The following PRKACB variants were observed in gnomAD, a reference collection of about 807,000 sequenced individuals.
PRKACB encodes the protein cAMP-dependent protein kinase catalytic subunit beta.
PRKACB carries 16 observed loss-of-function variants against 51.4 expected under a neutral mutation model. The observed-to-expected ratio is 0.31, with a 90% CI of 0.21 to 0.47. The LOEUF is 0.47. PRKACB is among the 20% of genes least tolerant of loss of function. PRKACB has a pLI of 1.00. For synonymous variants in PRKACB, 147 were observed against 154.4 expected, an observed-to-expected ratio of 0.95 and a Z score of 0.35; for missense variants, 309 against 464.5, an observed-to-expected ratio of 0.67 and a Z score of 3.08.
intron 1 of PRKACB, among the ~76,000 whole-genome samples, chr1:84,117,620 T>C (rs1557961140): frequency 6.6e-6 from 1 of 152,184 alleles, no homozygotes; most frequent in Non-Finnish European, 1.5e-5. Flanking sequence ...TGATGATCTT[T>C]TGTATTTTTG....
chr1:84,131,928 G>A (rs866688179), intron 1 of PRKACB, among the ~76,000 whole-genome samples: 27 of 152,292 alleles, frequency 1.8e-4, no homozygotes, highest in Middle Eastern at 3.4e-3. Flanking sequence ...TCCCCTCGTA[G>A]TTCTTGCAGA....
intron 8 of PRKACB, among the ~76,000 whole-genome samples, chr1:84,207,439 C>T (rs529124575): frequency 1.2e-4 from 19 of 152,146 alleles, no homozygotes; most frequent in Non-Finnish European, 2.1e-4. Context: ...GTGTGGAACT[C>T]GGCACCATAT....
chr1:84,112,864 G>A (rs762852988), intron 1 of PRKACB, among the ~76,000 whole-genome samples: 1 of 152,094 alleles, frequency 6.6e-6, no homozygotes, highest in Non-Finnish European at 1.5e-5. Flanking sequence ...ACCTAAGACC[G>A]AGTGACAGAG....
At chr1:84,098,664 G>A (rs1427182669) in intron 1 of PRKACB, among the ~76,000 whole-genome samples, 1 of 152,040 alleles carries the variant, frequency 6.6e-6, no homozygotes, top group Non-Finnish European at 1.5e-5. Flanking sequence ...TTCTGGTTAT[G>A]AACTTCAAAT....
At chr1:84,110,000 A>C (rs1436133698) in intron 1 of PRKACB, among the ~76,000 whole-genome samples, 1 of 151,836 alleles carries the variant, frequency 6.6e-6, no homozygotes, top group African/African-American at 2.4e-5. Flanking sequence ...TAAAAGGCCT[A>C]CTCATACTTT....
intron 1 of PRKACB, among the ~76,000 whole-genome samples, chr1:84,137,669 G>A (rs777020084): frequency 2.0e-5 from 3 of 152,220 alleles, no homozygotes; most frequent in Non-Finnish European, 2.9e-5. Flanking sequence ...CCGTAAGACT[G>A]GAGGCAAAAG....
At position 84,125,189 on chromosome 1, in the gene PRKACB, T is replaced by C. The variant is rs927044123; in HGVS notation, c.46+46818T>C. On this transcript the variant is annotated intron_variant, in intron 1 of 8. Transcript: ENST00000370688. Reference sequence around the variant, plus strand: ...TCTGGCAGAATCCAGTACCTTATGGTTATAGGACTAGGGTCTCTGTTTCTT... The same window carrying C: ...TCTGGCAGAATCCAGTACCTTATGGCTATAGGACTAGGGTCTCTGTTTCTT... 3.9e-5 allele frequency among the ~76,000 whole-genome samples: 6 copies of C among 152,276 alleles called. 1 individual carries two copies. The highest frequency in any genetic ancestry group is 4.1e-4 in the South Asian group (2 of 4,824).
chr1:84,153,596 A>G (rs1372664738), intron 1 of PRKACB, among the ~76,000 whole-genome samples: 2 of 152,136 alleles, frequency 1.3e-5, no homozygotes, highest in Non-Finnish European at 2.9e-5. Context: ...GCCCCTGACA[A>G]CCAGCATTCT....
intron 1 of PRKACB, among the ~76,000 whole-genome samples, chr1:84,110,245 T>C (rs1331509804): frequency 6.6e-6 from 1 of 151,788 alleles, no homozygotes; most frequent in Non-Finnish European, 1.5e-5. Flanking sequence ...TAAAAAACAA[T>C]ACAGTATAAC....
chr1:84,131,618 T>TC (rs36087526), intron 1 of PRKACB, among the ~76,000 whole-genome samples: 11 of 152,072 alleles, frequency 7.2e-5, no homozygotes, highest in East Asian at 3.9e-4. Context: ...GTTGTTTTCT[T>TC]CCCCCCATCA....
chr1:84,129,343 G>T (rs1176949786), intron 1 of PRKACB, among the ~76,000 whole-genome samples: 1 of 151,946 alleles, frequency 6.6e-6, no homozygotes, highest in Non-Finnish European at 1.5e-5. Context: ...TTATGTATTT[G>T]AAAATATATC....
At chr1:84,180,139 C>G (rs549277834) in intron 2 of PRKACB, among the ~76,000 whole-genome samples, 3 of 119,790 alleles carry the variant, frequency 2.5e-5, no homozygotes, top group African/African-American at 8.9e-5. Context: ...AATAGTGGAA[C>G]CAATGCAAAT....
intron 8 of PRKACB, among the ~76,000 whole-genome samples, chr1:84,209,816 A>G (rs1215531876): frequency 6.6e-6 from 1 of 152,200 alleles, no homozygotes; most frequent in Non-Finnish European, 1.5e-5. Context: ...TCCAAGCACA[A>G]ATTCCTGAGA....
intron 1 of PRKACB, among the ~76,000 whole-genome samples, chr1:84,168,993 C>T (rs541860469): frequency 1.1e-4 from 17 of 151,538 alleles, no homozygotes; most frequent in African/African-American, 3.9e-4. Flanking sequence ...AATATGTGTA[C>T]GCTAAATGAT....
At chr1:84,107,153 T>C (rs149616429) in intron 1 of PRKACB, among the ~76,000 whole-genome samples, 1 of 152,022 alleles carries the variant, frequency 6.6e-6, no homozygotes, top group African/African-American at 2.4e-5. Flanking sequence ...TTAAAATATA[T>C]TTTAAAACAT....
At chr1:84,221,696 G>A (rs140918448) in intron 9 of PRKACB, among the ~76,000 whole-genome samples, 126 of 151,848 alleles carry the variant, frequency 8.3e-4, no homozygotes, top group Middle Eastern at 3.4e-3. Flanking sequence ...ATAGTCATTC[G>A]GGAGCATATT....
At chr1:84,150,485 TG>T (rs1263290934) in intron 1 of PRKACB, among the ~76,000 whole-genome samples, 1 of 152,062 alleles carries the variant, frequency 6.6e-6, no homozygotes, top group Non-Finnish European at 1.5e-5. Flanking sequence ...GTGTTGGAGG[TG>T]GGGCCTAATG....
chr1:84,145,279 A>G (rs1020679447), intron 1 of PRKACB, among the ~76,000 whole-genome samples: 5 of 152,076 alleles, frequency 3.3e-5, no homozygotes, highest in African/African-American at 1.2e-4. Flanking sequence ...AAACAATACT[A>G]GTGCCGCCAT....
intron 1 of PRKACB, among the ~76,000 whole-genome samples, chr1:84,093,198 A>G (rs907543629): frequency 6.6e-6 from 1 of 151,562 alleles, no homozygotes; most frequent in East Asian, 1.9e-4. Context: ...ATATTTTCCT[A>G]TGTTAGGTTT....
Sources: gnomAD v4.1 joint callset for allele counts (sites outside exome capture counted in the v4.1 genomes callset) on GRCh38, gnomAD v4.1.1 for gene constraint, MANE v1.5 for transcripts, NCBI Gene and HGNC (gene_info 2026-07-23, HGNC 2026-07-21) for gene names.